The following ZGRF1 variants were observed in gnomAD, a reference collection of about 807,000 sequenced individuals.
The protein encoded by ZGRF1 is 5'-3' DNA helicase ZGRF1.
In ZGRF1, 196 loss-of-function variants were observed where a neutral mutation model predicts 203.5. The observed-to-expected ratio is 0.96, with a 90% CI of 0.86 to 1.08. The LOEUF (loss-of-function observed/expected upper bound fraction) is 1.08. Among genes scored for constraint, ZGRF1 ranks in the 50% least tolerant of loss-of-function variants. The pLI is 0.00. For synonymous variants in ZGRF1, 809 were observed against 841.3 expected (o/e 0.96, Z 0.66); for missense variants, 2,326 against 2,416.3 (o/e 0.96, Z 0.78).
At position 112,619,084 on chromosome 4, in the gene ZGRF1, T is replaced by C. The variant is rs569336549; in HGVS notation, c.958A>G (p.Thr320Ala). The change falls in exon 6 of 28, where the codon ACC (threonine) becomes GCC (alanine). Residue 320 changes from threonine to alanine, a missense_variant. Transcript: ENST00000505019. Reference protein sequence around the residue: ...NLYYQHQSENTMRNKSRWAMY... With the variant: ...NLYYQHQSENAMRNKSRWAMY... ...GCCCACCGGCTTTTATTTCTCATGG[T>C]ATTTTCTGATTGATGCTGGTAGTAT... The C allele has an allele frequency of 1.9e-6, 3 of 1,613,990 alleles. No homozygotes were observed. The highest frequency in any genetic ancestry group is 2.7e-5 in the African/African-American group (2 of 75,040).
At position 112,553,985 on chromosome 4, in the gene ZGRF1, A is replaced by G. The variant is rs377636402; in HGVS notation, c.5199-3T>C. 6.2e-7 allele frequency: 1 copy of G among 1,603,696 alleles called. No homozygotes were observed. Among genetic ancestry groups the G allele is most frequent in the African/African-American group, 1.3e-5 (1 of 74,388 alleles). Reference sequence around the variant, plus strand: ...CATTTTCTGAGCCAGCATGCAAGCTAAAGAATTATATTAAAACACTCCTCT... The same window carrying G: ...CATTTTCTGAGCCAGCATGCAAGCTGAAGAATTATATTAAAACACTCCTCT... On this transcript the variant is annotated splice_polypyrimidine_tract_variant and splice_region_variant and intron_variant, in intron 21 of 27. Transcript: ENST00000505019.
chr4:112,599,999 G>A (rs897007212), intron 10 of ZGRF1, among the ~76,000 whole-genome samples: 1 of 152,080 alleles, frequency 6.6e-6, no homozygotes, highest in Admixed American at 6.6e-5. Flanking sequence ...AATAAAGCTT[G>A]TACAAGATAA....
intron 22 of ZGRF1, among the ~76,000 whole-genome samples, chr4:112,549,630 C>A (rs1193478144): frequency 6.6e-6 from 1 of 152,178 alleles, no homozygotes; most frequent in African/African-American, 2.4e-5. Flanking sequence ...CCGGTGTAAA[C>A]AAACCTACTG....
chr4:112,544,712 A>G (rs1367138404), intron 24 of ZGRF1, among the ~76,000 whole-genome samples: 1 of 152,220 alleles, frequency 6.6e-6, no homozygotes, highest in Non-Finnish European at 1.5e-5. Flanking sequence ...GTGTTTATAT[A>G]GTTGTATAGT....
At position 112,586,432 on chromosome 4, in the gene ZGRF1, A is replaced by C; in HGVS notation, c.3916+13T>G. The C allele has an allele frequency of 1.3e-6, 2 of 1,593,452 alleles. No individual in the cohort carries two copies. The highest frequency in any genetic ancestry group is 1.7e-6 in the Non-Finnish European group (2 of 1,168,744). On this transcript the variant is annotated intron_variant, in intron 13 of 27. Transcript: ENST00000505019. ...GCAGCAATCATGATACAATAAAAAC[A>C]CAACAGCCATACCTATGAGGCAAGA...
chr4:112,539,574 C>A lies in ZGRF1; in HGVS notation c.6288G>T (p.Glu2096Asp), dbSNP rs1297217960. 1 of 1,447,696 alleles carries A rather than the reference C, an allele frequency of 6.9e-7. No individual in the cohort carries two copies. The highest frequency in any genetic ancestry group is 2.4e-5 in the East Asian group (1 of 41,366). The allele number at this position is 1,447,696 out of a possible 1,614,324, so 89.7% of individuals were successfully genotyped here. ...ATGAATGAGATTTATCTTTAGATTT[C>A]TCTTTTTCACTCTTTTTCTTCTGTT... ...EEKQKKKSEK[E>D]KSKDKSHS Residue 2096 changes from glutamate to aspartate, a missense_variant, in exon 28 of 28, where the codon GAG becomes GAT. By Grantham distance (45) the Glu-to-Asp change is conservative. Coordinates refer to ENST00000505019, the MANE Select transcript of ZGRF1 (RefSeq NM_018392.5).
intron 3 of ZGRF1, chr4:112,629,985 C>T: frequency 3.9e-6 from 1 of 255,680 alleles, no homozygotes; most frequent in East Asian, 1.5e-4. Flanking sequence ...TGCCACTGCA[C>T]TCCAGCCTGG....
chr4:112,581,598 TACAGCTGTATGTA>T, intron 16 of ZGRF1, 52 bp downstream of exon 16: 1 of 1,125,176 alleles, frequency 8.9e-7, no homozygotes, highest in South Asian at 2.6e-5. Context: ...AAACAATTTA[TACAGCTGTATGTA>T]ATGGAGATAA....
At chr4:112,557,483 A>T (rs1483179278) in intron 20 of ZGRF1, among the ~76,000 whole-genome samples, 1 of 152,146 alleles carries the variant, frequency 6.6e-6, no homozygotes, top group Non-Finnish European at 1.5e-5. Context: ...CCTGATTTTA[A>T]CCTACTTCTA....
chr4:112,624,578 T>A (rs1191308107), intron 3 of ZGRF1, among the ~76,000 whole-genome samples: 1 of 152,010 alleles, frequency 6.6e-6, no homozygotes, highest in Non-Finnish European at 1.5e-5. Flanking sequence ...AAGGAGATGA[T>A]TAGCACTTAA....
Position 112,608,449 on chromosome 4 carries a change from T to C in ZGRF1, c.2718+930A>G, listed in dbSNP as rs371926225. Among the ~76,000 whole-genome samples, 5 of 152,096 alleles carry C rather than the reference T, an allele frequency of 3.3e-5. 1 individual carries two copies. The highest frequency in any genetic ancestry group is 4.2e-4 in the South Asian group (2 of 4,812). On this transcript the variant is annotated intron_variant, in intron 8 of 27. Transcript: ENST00000505019. The stretch of plus-strand genomic sequence containing the variant: ...GCCTGACCAACATGGAGAAACCCCA[T>C]CTCTACTAAAAAAATACAAAATTAG...
intron 3 of ZGRF1, among the ~76,000 whole-genome samples, chr4:112,625,937 A>G (rs1313623309): frequency 6.6e-6 from 1 of 152,134 alleles, no homozygotes; most frequent in African/African-American, 2.4e-5. Flanking sequence ...AATAAAATAT[A>G]TATGAAGATA....
At chr4:112,539,838 T>G in intron 27 of ZGRF1, 25 bp downstream of exon 27, 1 of 1,610,274 alleles carries the variant, frequency 6.2e-7, no homozygotes. Flanking sequence ...TTGAAATGCA[T>G]GAATTAAACC....
chr4:112,578,321 A>G (rs184277831), intron 16 of ZGRF1, among the ~76,000 whole-genome samples: 5,916 of 121,980 alleles, frequency 0.048, 1,547 homozygotes, highest in African/African-American at 0.16. Context: ...AGAAAGCAGG[A>G]AAGATCTAAA....
Position 112,603,528 on chromosome 4 carries a change from A to G in ZGRF1, c.2972T>C (p.Leu991Ser). The G allele has an allele frequency of 6.3e-7, 1 of 1,596,834 alleles. No individual in the cohort carries two copies. Residue 991 changes from leucine (L) to serine (S), a missense_variant, in exon 10 of 28, where the codon TTG becomes TCG. By Grantham distance (145) the Leu-to-Ser change is moderately radical. Transcript: ENST00000505019. ...CAACTATAAAAATATTTTTACCTGC[A>G]AGAAGTCAATCTGCATACACGTGCT... ...LPSTCMQIDF[L>S]QVTSPEENIS...
At chr4:112,595,147 TA>T (rs1748788112) in intron 10 of ZGRF1, among the ~76,000 whole-genome samples, 1 of 152,180 alleles carries the variant, frequency 6.6e-6, no homozygotes, top group Non-Finnish European at 1.5e-5. Context: ...GGAAACACTT[TA>T]AAAGTGATGA....
At chr4:112,586,691 G>C (rs1578368458) in intron 12 of ZGRF1, 108 bp from the exon 13 acceptor site, 1 of 843,302 alleles carries the variant, frequency 1.2e-6, no homozygotes, top group East Asian at 3.1e-5. Context: ...TTTTTCTTTT[G>C]ATTTCTAGGA....
intron 19 of ZGRF1, among the ~76,000 whole-genome samples, chr4:112,560,484 G>T (rs1309550356): frequency 6.6e-6 from 1 of 152,172 alleles, no homozygotes; most frequent in Non-Finnish European, 1.5e-5. Flanking sequence ...TAAACATCTA[G>T]ATCAATCTGG....
intron 7 of ZGRF1, among the ~76,000 whole-genome samples, chr4:112,612,023 T>C (rs1237555434): frequency 1.7e-4 from 26 of 151,554 alleles, no homozygotes; most frequent in Admixed American, 1.7e-3. Flanking sequence ...TGGAGTGCAA[T>C]GGCATGATCT....
Sources: gnomAD v4.1 joint callset for allele counts (sites outside exome capture counted in the v4.1 genomes callset) on GRCh38, gnomAD v4.1.1 for gene constraint, MANE v1.5 for transcripts, NCBI Gene and HGNC (gene_info 2026-07-23, HGNC 2026-07-21) for gene names.